The following PTPRN2 variants were observed in gnomAD, a reference collection of about 807,000 sequenced individuals.
PTPRN2 encodes the protein protein tyrosine phosphatase receptor type N2.
A neutral mutation model predicts 118.8 loss-of-function variants in PTPRN2; 74 were observed. The ratio of observed to expected loss-of-function variants is 0.62; its 90% confidence interval spans 0.52 to 0.76. The LOEUF is 0.76. Among genes scored for constraint, PTPRN2 ranks in the 30% least tolerant of loss-of-function variants. The probability of loss-of-function intolerance (pLI) is 0.00; values close to 1 mark genes in which losing one functional copy is unlikely to be tolerated. For synonymous variants in PTPRN2, 641 were observed against 608.0 expected, an observed-to-expected ratio of 1.05 and a Z score of -0.80; for missense variants, 1,481 against 1,394.4, an observed-to-expected ratio of 1.06 and a Z score of -0.99.
At chr7:158,037,826 G>A (rs1434918695) in intron 11 of PTPRN2, among the ~76,000 whole-genome samples, 11 of 152,230 alleles carry the variant, frequency 7.2e-5, no homozygotes, top group Admixed American at 2.0e-4. Flanking sequence ...AAGAATGGGG[G>A]AGGGTTGCAA....
chr7:157,952,514 C>A (rs556242013), intron 11 of PTPRN2, among the ~76,000 whole-genome samples: 1 of 151,534 alleles, frequency 6.6e-6, no homozygotes, highest in South Asian at 2.1e-4. Context: ...ACGCTGACTC[C>A]GTGGTGGAAC....
chr7:157,930,980 C>T lies in PTPRN2; in HGVS notation c.1724-32243G>A, dbSNP rs139913552. Among the ~76,000 whole-genome samples the T allele has an allele frequency of 9.7e-3, 1,470 of 152,286 alleles. 11 individuals carry two copies. The highest frequency in any genetic ancestry group is 0.017 in the Non-Finnish European group (1,136 of 68,020). On this transcript the variant is annotated intron_variant, in intron 11 of 22. Transcript: ENST00000389418. ...GGCTGCACTGAAGGGCAGCCCTCTCCCCTGTCTCACCTCCAGTGCACAGGC... is the reference window on the plus strand; with the variant it reads ...GGCTGCACTGAAGGGCAGCCCTCTCTCCTGTCTCACCTCCAGTGCACAGGC...
In PTPRN2 at chr7:158,022,025, C is replaced by T. The variant is rs573547129; in HGVS notation, c.1723+59273G>A. ...GCAGCCTCGCCCATCCACCATGAGG[C>T]GAGACCCCACACTCCAGCTGGCCTC... On this transcript the variant is annotated intron_variant, in intron 11 of 22. Coordinates refer to ENST00000389418, the MANE Select transcript of PTPRN2 (RefSeq NM_002847.5). This position sits in a 1 kb window ranked among gnomAD's most constrained non-coding sequence, Gnocchi z 4.6. 3.3e-5 allele frequency among the ~76,000 whole-genome samples: 5 copies of T among 152,204 alleles called. 1 individual carries two copies. The highest frequency in any genetic ancestry group is 2.0e-4 in the Admixed American group (3 of 15,288).
chr7:158,251,669 A>G (rs557159890), intron 3 of PTPRN2, among the ~76,000 whole-genome samples: 1 of 148,922 alleles, frequency 6.7e-6, no homozygotes, highest in Admixed American at 6.8e-5. Flanking sequence ...TGTGCAATGG[A>G]TGTCTATGGT....
intron 11 of PTPRN2, among the ~76,000 whole-genome samples, chr7:157,910,214 C>G (rs758005022): frequency 6.6e-6 from 1 of 151,642 alleles, no homozygotes; most frequent in Non-Finnish European, 1.5e-5. Flanking sequence ...GGATCACGCA[C>G]GTACACCGTG....
chr7:158,291,492 G>A (rs1800117906), intron 3 of PTPRN2, among the ~76,000 whole-genome samples: 2 of 152,090 alleles, frequency 1.3e-5, no homozygotes, highest in South Asian at 4.2e-4. Flanking sequence ...CTAGATTTTG[G>A]TTGATTTCTA....
At chr7:158,229,061 G>A (rs1396238426) in intron 3 of PTPRN2, among the ~76,000 whole-genome samples, 2 of 152,038 alleles carry the variant, frequency 1.3e-5, no homozygotes, top group East Asian at 1.9e-4. Context: ...CACACTGCTG[G>A]CATATCCCCT....
At chr7:157,580,642 ACCTGCACACCCGAGCC>A (rs1800313528) in intron 17 of PTPRN2, among the ~76,000 whole-genome samples, 1 of 79,004 alleles carries the variant, frequency 1.3e-5, no homozygotes, top group Admixed American at 1.5e-4. Flanking sequence ...ACACCCCAGC[ACCTGCACACCCGAGCC>A]CCTGAACACC....
rs1206173270 is a variant in PTPRN2 at position 158,438,301 on chromosome 7, T to C, written c.163+51434A>G. 6.6e-6 allele frequency among the ~76,000 whole-genome samples: 1 copy of C among 151,704 alleles called. No homozygotes were observed. Among genetic ancestry groups the C allele is most frequent in the South Asian group, 2.1e-4 (1 of 4,810 alleles). On this transcript the variant is annotated intron_variant, in intron 2 of 22. Transcript: ENST00000389418. The surrounding 1 kb of genome is among the most constrained non-coding windows in gnomAD (Gnocchi z 4.7). ...CTGAGGCAGGAGAATTGCTTGAACC[T>C]GGGAGGCAGAAGTTGCAGTGCCACT...
At chr7:157,643,519 G>A (rs1563293885) in intron 14 of PTPRN2, among the ~76,000 whole-genome samples, 1 of 152,222 alleles carries the variant, frequency 6.6e-6, no homozygotes, top group Non-Finnish European at 1.5e-5. Flanking sequence ...GGGGCTGCAG[G>A]GGAAGGCCGT....
Position 157,641,103 on chromosome 7 carries a change from G to A in PTPRN2, c.2196+15254C>T, listed in dbSNP as rs577115396. ...TGAACAATACTGTATGTGTCAGAGG[G>A]AGGTAGCTGAGGTCTGTGTCTCAGG... On this transcript the variant is annotated intron_variant, in intron 14 of 22. Transcript: ENST00000389418. Among the ~76,000 whole-genome samples the A allele has an allele frequency of 3.2e-4, 48 of 152,352 alleles. No individual in the cohort carries two copies. In the South Asian group the frequency reaches 1.0e-2, roughly 32 times the overall value.
intron 2 of PTPRN2, among the ~76,000 whole-genome samples, chr7:158,479,208 CATGTTACTCA>C (rs1247988880): frequency 6.6e-6 from 1 of 151,994 alleles, no homozygotes; most frequent in Admixed American, 6.6e-5. Flanking sequence ...GAATGGGGCT[CATGTTACTCA>C]ATGTGAGTGG....
intron 3 of PTPRN2, among the ~76,000 whole-genome samples, chr7:158,268,545 G>GAGT (rs1798054180): frequency 1.4e-5 from 2 of 142,092 alleles, no homozygotes; most frequent in African/African-American, 2.7e-5. Context: ...CACGCACACA[G>GAGT]GGCGGGTGTG....
chr7:158,315,939 G>A (rs796083735), intron 3 of PTPRN2, among the ~76,000 whole-genome samples: 31 of 152,302 alleles, frequency 2.0e-4, no homozygotes, highest in African/African-American at 7.0e-4. Context: ...TGCCCCATGG[G>A]CCCATGAACA....
intron 3 of PTPRN2, among the ~76,000 whole-genome samples, chr7:158,288,149 C>A (rs1799881292): frequency 6.6e-6 from 1 of 152,042 alleles, no homozygotes; most frequent in Admixed American, 6.5e-5. Flanking sequence ...CATGAAATAT[C>A]TTTTTCATCC....
intron 2 of PTPRN2, among the ~76,000 whole-genome samples, chr7:158,413,454 A>G (rs1308762850): frequency 2.0e-5 from 3 of 152,258 alleles, no homozygotes; most frequent in Admixed American, 6.5e-5. Context: ...ATGGCCCCCA[A>G]TTGGCCAAGT....
At chr7:158,293,678 A>T (rs895925554) in intron 3 of PTPRN2, among the ~76,000 whole-genome samples, 1 of 152,222 alleles carries the variant, frequency 6.6e-6, no homozygotes, top group African/African-American at 2.4e-5. Flanking sequence ...ACAGCAGTAT[A>T]AAAATAGTCT....
Position 157,598,583 on chromosome 7 carries a change from T to C in PTPRN2, c.2419-3268A>G, listed in dbSNP as rs1327375332. On this transcript the variant is annotated intron_variant, in intron 16 of 22. Coordinates refer to ENST00000389418, the MANE Select transcript of PTPRN2 (RefSeq NM_002847.5). This position sits in a 1 kb window ranked among gnomAD's most constrained non-coding sequence, Gnocchi z 5.2. The stretch of plus-strand genomic sequence containing the variant: ...TGGATGATGCGGTTTCTAAGTGTCC[T>C]TTAGCTCTGGATTCCAGTGCACGTG... 1.3e-5 allele frequency among the ~76,000 whole-genome samples: 2 copies of C among 152,228 alleles called. No individual in the cohort carries two copies. The highest frequency in any genetic ancestry group is 1.9e-4 in the East Asian group (1 of 5,194).
At chr7:158,224,576 A>T (rs1025899597) in intron 3 of PTPRN2, among the ~76,000 whole-genome samples, 10 of 152,350 alleles carry the variant, frequency 6.6e-5, no homozygotes, top group Admixed American at 6.5e-4. Flanking sequence ...TTCACAGTCT[A>T]CACAAAAGCA....
Sources: gnomAD v4.1 joint callset for allele counts (sites outside exome capture counted in the v4.1 genomes callset) on GRCh38, gnomAD v4.1.1 for gene constraint, Gnocchi (gnomAD v3.1) non-coding constraint, MANE v1.5 for transcripts, NCBI Gene and HGNC (gene_info 2026-07-23, HGNC 2026-07-21) for gene names.